RRN3: variants seen among roughly 807,000 people sequenced by gnomAD.
The protein encoded by RRN3 is RNA polymerase I-specific transcription initiation factor RRN3.
In RRN3, 38 loss-of-function variants were observed where a neutral mutation model predicts 82.3. The ratio of observed to expected loss-of-function variants is 0.46; its 90% CI spans 0.36 to 0.61. RRN3 has a LOEUF of 0.61. Ranked by LOEUF, RRN3 falls within the 20% of genes least tolerant of loss-of-function variation. The pLI, the probability that RRN3 is intolerant of heterozygous loss-of-function variation, is 0.00. For synonymous variants in RRN3, 284 were observed against 284.3 expected, an observed-to-expected ratio of 1.00 and a Z score of 0.01; for missense variants, 726 against 793.1, an observed-to-expected ratio of 0.92 and a Z score of 1.02.
At chr16:15,065,442 C>G in intron 15 of RRN3, 71 bp from the exon 16 acceptor site, 1 of 1,340,426 alleles carries the variant, frequency 7.5e-7, no homozygotes, top group Non-Finnish European at 1.0e-6. Context: ...ATGTGAGCTG[C>G]GTGTGACAAC....
At chr16:15,067,704 C>T (rs1026705345) in intron 15 of RRN3, among the ~76,000 whole-genome samples, 2 of 151,932 alleles carry the variant, frequency 1.3e-5, no homozygotes, top group African/African-American at 4.8e-5. Flanking sequence ...ATTTCCAACG[C>T]CATCAAAGTA....
At chr16:15,063,089 T>G in intron 17 of RRN3, 107 bp downstream of exon 17, 1 of 857,342 alleles carries the variant, frequency 1.2e-6, no homozygotes, top group Admixed American at 1.8e-5. Flanking sequence ...CTTGACCCCC[T>G]AAAGTGCGGG....
intron 9 of RRN3, among the ~76,000 whole-genome samples, chr16:15,077,624 G>T (rs2045517807): frequency 6.6e-6 from 1 of 152,170 alleles, no homozygotes; most frequent in Non-Finnish European, 1.5e-5. Flanking sequence ...GACGGATCAT[G>T]AGGTCAGGAG....
intron 16 of RRN3, among the ~76,000 whole-genome samples, chr16:15,064,759 T>C (rs1002686150): frequency 9.2e-5 from 14 of 152,206 alleles, no homozygotes; most frequent in Non-Finnish European, 1.6e-4. Flanking sequence ...ACTTTGCATC[T>C]GGTGAAATAT....
chr16:15,066,982 G>C (rs1238851769), intron 15 of RRN3, among the ~76,000 whole-genome samples: 1 of 151,240 alleles, frequency 6.6e-6, no homozygotes, highest in African/African-American at 2.4e-5. Flanking sequence ...GAACATACCA[G>C]GGGCAGCGGC....
chr16:15,083,011 G>A (rs1367115046), intron 8 of RRN3, among the ~76,000 whole-genome samples: 1 of 152,142 alleles, frequency 6.6e-6, no homozygotes, highest in African/African-American at 2.4e-5. Context: ...AACAGAAAAA[G>A]GCACTGGGAA....
At chr16:15,064,726 G>A (rs2044882844) in intron 16 of RRN3, among the ~76,000 whole-genome samples, 1 of 152,218 alleles carries the variant, frequency 6.6e-6, no homozygotes, top group Non-Finnish European at 1.5e-5. Context: ...GCGCCACTCG[G>A]CAAGTCCTGC....
intron 9 of RRN3, among the ~76,000 whole-genome samples, chr16:15,077,513 G>A (rs1262122701): frequency 2.6e-5 from 4 of 152,036 alleles, no homozygotes; most frequent in East Asian, 3.9e-4. Flanking sequence ...TGATTCTGAG[G>A]CCTCCCCAGC....
chr16:15,069,066 TACA>T (rs2045107761), intron 14 of RRN3, among the ~76,000 whole-genome samples: 3 of 152,218 alleles, frequency 2.0e-5, no homozygotes, highest in Non-Finnish European at 2.9e-5. Context: ...TACTAGTTCA[TACA>T]ACATCTTTTA....
In RRN3 at chr16:15,079,988, C is replaced by G; in HGVS notation, c.765+10G>C. 1.3e-6 allele frequency: 2 copies of G among 1,582,326 alleles called. No individual in the cohort carries two copies. Among genetic ancestry groups the G allele is most frequent in the Non-Finnish European group, 1.7e-6 (2 of 1,164,030 alleles). ...TAAATGAAAATAAAAATAGATTACT[C>G]AATACTTACATCCAACTTGAGTAGT... On this transcript the variant is annotated intron_variant, in intron 9 of 17. Coordinates refer to ENST00000198767, the MANE Select transcript of RRN3 (RefSeq NM_018427.5).
Position 15,090,827 on chromosome 16 carries a change from A to G in RRN3, c.252+488T>C, listed in dbSNP as rs374110785. 9.9e-5 allele frequency among the ~76,000 whole-genome samples: 15 copies of G among 152,064 alleles called. No homozygotes were observed. The East Asian group carries it at 2.9e-3, about 29-fold the overall frequency. ...AAACAAAATGCATTCAGCTTTTACT[A>G]CATGATAGGTGTATCTCGAACCTGG... On this transcript the variant is annotated intron_variant, in intron 3 of 17. Coordinates refer to ENST00000198767, the MANE Select transcript of RRN3 (RefSeq NM_018427.5).
chr16:15,093,634 T>C (rs2046230170), intron 1 of RRN3, among the ~76,000 whole-genome samples: 1 of 152,184 alleles, frequency 6.6e-6, no homozygotes, highest in Admixed American at 6.5e-5. Flanking sequence ...TGAAAAAACA[T>C]AGCATCCTAA....
At chr16:15,082,763 C>T (rs2045759644) in intron 8 of RRN3, among the ~76,000 whole-genome samples, 1 of 151,912 alleles carries the variant, frequency 6.6e-6, no homozygotes, top group Non-Finnish European at 1.5e-5. Context: ...CTACTAGATT[C>T]GGTTTTCTAC....
At chr16:15,091,271 C>A (rs3893780) in intron 3 of RRN3, 44 bp downstream of exon 3, 23 of 1,604,920 alleles carry the variant, frequency 1.4e-5, no homozygotes, top group Admixed American at 3.4e-5. Flanking sequence ...TGTCTGTATA[C>A]AGTGGCAATA....
chr16:15,074,576 C>G, intron 11 of RRN3, 147 bp downstream of exon 11: 1 of 496,390 alleles, frequency 2.0e-6, no homozygotes, highest in African/African-American at 2.0e-5. Flanking sequence ...TGGCAAGTAA[C>G]TTGACCTCTT....
intron 3 of RRN3, among the ~76,000 whole-genome samples, chr16:15,090,189 G>A (rs573154989): frequency 2.6e-5 from 4 of 151,688 alleles, no homozygotes; most frequent in African/African-American, 9.6e-5. Flanking sequence ...CAGCCTGCGT[G>A]GTAAGAAGGA....
At chr16:15,094,319 C>G (rs1022484713), upstream of RRN3, 26 of 1,239,912 alleles carry the variant, frequency 2.1e-5, no homozygotes, top group African/African-American at 1.5e-4. Context: ...GTTGCGCGTG[C>G]CAGCGCAACC....
At chr16:15,080,258 G>A (rs1197897041) in intron 8 of RRN3, among the ~76,000 whole-genome samples, 162 bp from the exon 9 acceptor site, 1 of 152,118 alleles carries the variant, frequency 6.6e-6, no homozygotes, top group Non-Finnish European at 1.5e-5. Context: ...CATGTATTAT[G>A]TTCGGTATAA....
intron 12 of RRN3, among the ~76,000 whole-genome samples, chr16:15,071,928 C>T (rs1226333282): frequency 6.6e-6 from 1 of 152,144 alleles, no homozygotes; most frequent in Non-Finnish European, 1.5e-5. Context: ...TCCCATGGAG[C>T]TCCACATGGG....
Sources: gnomAD v4.1 joint callset for allele counts (sites outside exome capture counted in the v4.1 genomes callset) on GRCh38, gnomAD v4.1.1 for gene constraint, MANE v1.5 for transcripts, NCBI Gene and HGNC (gene_info 2026-07-23, HGNC 2026-07-21) for gene names.